FASTKD2: variants seen among roughly 807,000 people sequenced by gnomAD.
FASTKD2 encodes FAST kinase domains 2.
FASTKD2 carries 51 observed loss-of-function variants against 63.6 expected under a neutral mutation model. That is an observed-to-expected ratio of 0.80 (90% confidence interval 0.64 to 1.01). The LOEUF (loss-of-function observed/expected upper bound fraction) is 1.01. Among genes scored for constraint, FASTKD2 ranks in the 50% least tolerant of loss-of-function variants. The pLI is 0.00. For missense variants in FASTKD2, 786 were observed against 831.1 expected (o/e 0.95, Z 0.67); for synonymous variants, 284 against 293.4 (o/e 0.97, Z 0.33).
At chr2:206,767,889 G>T (rs1191050700) in intron 2 of FASTKD2, among the ~76,000 whole-genome samples, 1 of 152,220 alleles carries the variant, frequency 6.6e-6, no homozygotes, top group Non-Finnish European at 1.5e-5. Context: ...GGTGTTTCAA[G>T]TAGAGAGGAT....
chr2:206,767,378 T>C lies in FASTKD2; in HGVS notation c.685T>C (p.Tyr229His). The part of the protein sequence containing the change: ...HMMREAKIMQ[Y>H]KYLLFSLHAI... ...GATGAGAGAAGCCAAGATCATGCAGTATAAGTACCTACTGTTCAGTCTTCA... is the reference window on the plus strand; with the variant it reads ...GATGAGAGAAGCCAAGATCATGCAGCATAAGTACCTACTGTTCAGTCTTCA... Residue 229 changes from tyrosine to histidine, a missense_variant, in exon 2 of 12, where the codon TAT (tyrosine) becomes CAT (histidine). Coordinates refer to ENST00000402774, the MANE Select transcript of FASTKD2 (RefSeq NM_001136193.2). 1 of 1,613,870 alleles carries C rather than the reference T, an allele frequency of 6.2e-7. No homozygotes were observed. Among genetic ancestry groups the C allele is most frequent in the Non-Finnish European group, 8.5e-7 (1 of 1,179,928 alleles).
chr2:206,784,635 C>T (rs932740495), intron 7 of FASTKD2, among the ~76,000 whole-genome samples: 1 of 152,118 alleles, frequency 6.6e-6, no homozygotes, highest in Non-Finnish European at 1.5e-5. Context: ...TTAGTGTGCT[C>T]CTTAACTCCA....
chr2:206,788,889 T>C lies in FASTKD2; in HGVS notation c.1884T>C (p.Ala628=). The C allele has an allele frequency of 6.5e-7, 1 of 1,547,276 alleles. No individual in the cohort carries two copies. The highest frequency in any genetic ancestry group is 8.9e-7 in the Non-Finnish European group (1 of 1,119,482). Reference sequence around the variant, plus strand: ...TTTCTGATGTGGATACAACTTCTGCTACAGATATTCAAAGGTTGCTTACAT... The same window carrying C: ...TTTCTGATGTGGATACAACTTCTGCCACAGATATTCAAAGGTTGCTTACAT... The part of the protein sequence containing the change: ...LPLSDVDTTS[A]TDIQRVAVLC... Residue 628 remains alanine, a synonymous_variant, in exon 10 of 12, where the codon GCT becomes GCC. Transcript: ENST00000402774.
chr2:206,771,722 T>C (rs1418676037), intron 4 of FASTKD2, among the ~76,000 whole-genome samples, 172 bp from the exon 5 acceptor site: 1 of 147,114 alleles, frequency 6.8e-6, no homozygotes, highest in Non-Finnish European at 1.5e-5. Flanking sequence ...CTGTAGGTGG[T>C]GCATGCCTGT....
In FASTKD2 at chr2:206,792,640, A is replaced by G. The variant is rs1690319954; in HGVS notation, c.*838A>G. Reference sequence around the variant, plus strand: ...GCTGGGGATATAGTGATGAATAGGCATGGTCTCTTGTGGAACTTACAGCAT... The same window carrying G: ...GCTGGGGATATAGTGATGAATAGGCGTGGTCTCTTGTGGAACTTACAGCAT... On this transcript the variant is annotated 3_prime_UTR_variant, in exon 12 of 12. Coordinates refer to ENST00000402774, the MANE Select transcript of FASTKD2 (RefSeq NM_001136193.2). 6.6e-6 allele frequency: 1 copy of G among 152,140 alleles called. No individual in the cohort carries two copies. The highest frequency in any genetic ancestry group is 1.5e-5 in the Non-Finnish European group (1 of 68,038). The allele number at this position is 152,140 out of a possible 1,614,324, so 9.4% of individuals were successfully genotyped here.
At position 206,788,162 on chromosome 2, in the gene FASTKD2, G is replaced by A; in HGVS notation, c.1813+7G>A. 11 of 1,527,312 alleles carry A rather than the reference G, an allele frequency of 7.2e-6. No individual in the cohort carries two copies. Among genetic ancestry groups the A allele is most frequent in the Non-Finnish European group, 9.0e-6 (10 of 1,111,562 alleles). 94.6% of individuals were successfully genotyped at this position (1,527,312 alleles called of 1,614,324 possible). ...CCACACAATTATCATATTGGTATGGGACATTATATGATTTCCTTTCATTTT... is the reference window on the plus strand; with the variant it reads ...CCACACAATTATCATATTGGTATGGAACATTATATGATTTCCTTTCATTTT... On this transcript the variant is annotated splice_region_variant and intron_variant, in intron 9 of 11. Transcript: ENST00000402774.
chr2:206,774,203 C>T (rs752345193), intron 6 of FASTKD2, 22 bp from the exon 7 acceptor site: 19 of 1,552,586 alleles, frequency 1.2e-5, no homozygotes, highest in South Asian at 9.0e-5. Flanking sequence ...ATAGAGTTTT[C>T]CCTCAATTTT....
At chr2:206,775,059 A>G (rs12471008) in intron 7 of FASTKD2, among the ~76,000 whole-genome samples, 39,556 of 151,850 alleles carry the variant, frequency 0.26, 6,149 homozygotes, top group East Asian at 0.71. Context: ...GTTGATCCAC[A>G]TTGTAGCATG....
chr2:206,768,487 G>A (rs1689584068), intron 2 of FASTKD2, among the ~76,000 whole-genome samples: 1 of 152,148 alleles, frequency 6.6e-6, no homozygotes. Context: ...GATCTCTTGA[G>A]CCCAGGAGTT....
At chr2:206,769,833 A>G (rs768347803) in intron 2 of FASTKD2, among the ~76,000 whole-genome samples, 27 of 152,262 alleles carry the variant, frequency 1.8e-4, no homozygotes, top group Non-Finnish European at 3.7e-4. Flanking sequence ...TATAATAAAT[A>G]TCAAATGTGT....
chr2:206,771,108 C>G, intron 3 of FASTKD2, 74 bp from the exon 4 acceptor site: 1 of 892,494 alleles, frequency 1.1e-6, no homozygotes, highest in Non-Finnish European at 1.8e-6. Flanking sequence ...AGGGGCTGGA[C>G]CAAATGAAAT....
chr2:206,789,990 T>C (rs11895370), intron 10 of FASTKD2: 37,176 of 152,562 alleles, frequency 0.24, 5,519 homozygotes, highest in East Asian at 0.71. Flanking sequence ...TTTTTTCTTT[T>C]TTTCTCCCAG....
intron 8 of FASTKD2, among the ~76,000 whole-genome samples, chr2:206,787,372 G>A (rs1242552652): frequency 6.6e-6 from 1 of 152,132 alleles, no homozygotes; most frequent in African/African-American, 2.4e-5. Context: ...TTTACTCTTG[G>A]AACCAAATTA....
At chr2:206,771,411 T>TA (rs1471094952) in intron 4 of FASTKD2, 121 bp downstream of exon 4, 13 of 700,032 alleles carry the variant, frequency 1.9e-5, no homozygotes, top group Non-Finnish European at 3.1e-5. Flanking sequence ...TTAGCTTCAC[T>TA]AAAGTGAATG....
In FASTKD2 at chr2:206,783,605, C is replaced by T. The variant is rs114526703; in HGVS notation, c.1428-3128C>T. ...CCCAGAGGGATTAAGAGAGTAAGTA[C>T]TGGGCGGGTAAGAGTTTTTCAGGTG... On this transcript the variant is annotated intron_variant, in intron 7 of 11. Coordinates refer to ENST00000402774, the MANE Select transcript of FASTKD2 (RefSeq NM_001136193.2). Among the ~76,000 whole-genome samples the T allele has an allele frequency of 4.7e-3, 712 of 152,106 alleles. 8 individuals are homozygous for T. The highest frequency in any genetic ancestry group is 0.016 in the African/African-American group (673 of 41,506).
Position 206,793,121 on chromosome 2 carries a change from C to T in FASTKD2, c.*1319C>T, listed in dbSNP as rs1690334161. On this transcript the variant is annotated 3_prime_UTR_variant, in exon 12 of 12. Coordinates refer to ENST00000402774, the MANE Select transcript of FASTKD2 (RefSeq NM_001136193.2). ...CCTATAATCCCAGCTACTGGGGAGG[C>T]TGAGGCAGGGGAATCGCTTGAACCC... Among the ~76,000 whole-genome samples, 1 of 143,676 alleles carries T rather than the reference C, an allele frequency of 7.0e-6. No homozygotes were observed. The highest frequency in any genetic ancestry group is 7.3e-5 in the Admixed American group (1 of 13,778). 94.3% of individuals were successfully genotyped at this position (143,676 alleles called of 152,430 possible).
Position 206,767,303 on chromosome 2 carries a change from A to G in FASTKD2, c.610A>G (p.Lys204Glu). Residue 204 changes from lysine (K) to glutamate (E), a missense_variant, in exon 2 of 12, where the codon AAA becomes GAA. By Grantham distance (56) the Lys-to-Glu change is moderately conservative. Transcript: ENST00000402774. ...RLSDDQKRFE[K>E]RLMFSHPAFN... ...GTCTGATGACCAGAAGCGCTTTGAA[A>G]AACGACTGATGTTTAGCCACCCTGC... 1 of 1,614,198 alleles carries G rather than the reference A, an allele frequency of 6.2e-7. No homozygotes were observed. Among genetic ancestry groups the G allele is most frequent in the Non-Finnish European group, 8.5e-7 (1 of 1,180,028 alleles).
chr2:206,783,938 T>C (rs1313854633), intron 7 of FASTKD2, among the ~76,000 whole-genome samples: 1 of 152,050 alleles, frequency 6.6e-6, no homozygotes, highest in African/African-American at 2.4e-5. Context: ...AGGCCAGGGG[T>C]GCCGCTAACA....
chr2:206,770,921 A>G (rs1689661864), intron 3 of FASTKD2, among the ~76,000 whole-genome samples: 1 of 152,132 alleles, frequency 6.6e-6, no homozygotes, highest in Non-Finnish European at 1.5e-5. Context: ...TTTGACATTG[A>G]CTATGCATAG....
Sources: gnomAD v4.1 joint callset for allele counts (sites outside exome capture counted in the v4.1 genomes callset) on GRCh38, gnomAD v4.1.1 for gene constraint, MANE v1.5 for transcripts, NCBI Gene and HGNC (gene_info 2026-07-23, HGNC 2026-07-21) for gene names.